Variants in CCDC171 observed in about 807,000 individuals in gnomAD.
The protein encoded by CCDC171 is coiled-coil domain-containing protein 171.
Under a neutral mutation model 168.2 loss-of-function variants are expected in CCDC171, and 177 were observed. The observed-to-expected ratio is 1.05, with a 90% CI of 0.93 to 1.19. CCDC171 has a LOEUF of 1.19. CCDC171 is among the 50% of genes most tolerant of loss of function. The pLI, the probability that CCDC171 is intolerant of heterozygous loss-of-function variation, is 0.00. For missense variants in CCDC171, 1,991 were observed against 1,539.0 expected, an observed-to-expected ratio of 1.29 and a Z score of -4.91; for synonymous variants, 687 against 540.8, an observed-to-expected ratio of 1.27 and a Z score of -3.75.
In CCDC171 at chr9:15,559,478, A is replaced by G. The variant is rs1253444982; in HGVS notation, c.-111-4500A>G. Among the ~76,000 whole-genome samples, 4 of 152,126 alleles carry G rather than the reference A, an allele frequency of 2.6e-5. 1 individual carries two copies. Among genetic ancestry groups the G allele is most frequent in the Non-Finnish European group, 5.9e-5 (4 of 67,998 alleles). ...TTCTTGTTGAACTGATCCCTTTACC[A>G]TTATGTAATGGCCTTCTTTGTCTCT... On this transcript the variant is annotated intron_variant, in intron 1 of 25. Coordinates refer to ENST00000380701, the MANE Select transcript of CCDC171 (RefSeq NM_173550.4).
Position 15,779,147 on chromosome 9 carries a change from G to T in CCDC171, c.3078G>T (p.Gln1026His). ...GLQMQLNEFK[Q>H]SKLITHEKFE... ...AAATGCAATTAAATGAATTTAAGCA[G>T]TCTGTAAGTATATATCATTTAGGAA... is the stretch of plus-strand genomic sequence containing the variant. The change falls in exon 20 of 26, where the codon CAG becomes CAT. Residue 1026 changes from glutamine (Q) to histidine (H), a missense_variant. By Grantham distance (24) the Gln-to-His change is conservative. Coordinates refer to ENST00000380701, the MANE Select transcript of CCDC171 (RefSeq NM_173550.4). 6.5e-7 allele frequency: 1 copy of T among 1,550,314 alleles called. No homozygotes were observed.
chr9:15,757,683 G>A (rs2056206460), intron 18 of CCDC171, among the ~76,000 whole-genome samples: 1 of 152,162 alleles, frequency 6.6e-6, no homozygotes, highest in Non-Finnish European at 1.5e-5. Context: ...TCCCATCACA[G>A]GCCCAGAGTC....
chr9:15,740,395 T>TA (rs2054789526), intron 16 of CCDC171, among the ~76,000 whole-genome samples: 1 of 146,416 alleles, frequency 6.8e-6, no homozygotes, highest in Admixed American at 6.8e-5. Flanking sequence ...TTTTTTTTTT[T>TA]ATGTACAAAT....
intron 10 of CCDC171, among the ~76,000 whole-genome samples, chr9:15,688,673 A>G (rs577688038): frequency 6.6e-6 from 1 of 152,308 alleles, no homozygotes; most frequent in East Asian, 1.9e-4. Context: ...AAAATGCTCA[A>G]CAAACTAAGA....
intron 1 of CCDC171, among the ~76,000 whole-genome samples, chr9:16,055,146 G>C (rs979177092): frequency 2.6e-5 from 4 of 152,222 alleles, no homozygotes; most frequent in African/African-American, 7.2e-5. Flanking sequence ...TGAGCATTTA[G>C]AAAAATGGAG....
intron 14 of CCDC171, among the ~76,000 whole-genome samples, chr9:15,725,407 A>G (rs1407292946): frequency 2.0e-5 from 3 of 152,146 alleles, no homozygotes; most frequent in Non-Finnish European, 2.9e-5. Flanking sequence ...GTGGCTGTGG[A>G]CAAGCTATAT....
At chr9:15,611,301 A>G (rs543063002) in intron 6 of CCDC171, among the ~76,000 whole-genome samples, 1 of 152,162 alleles carries the variant, frequency 6.6e-6, no homozygotes, top group South Asian at 2.1e-4. Context: ...CCATTCTCAC[A>G]TATTTCTTTA....
intron 8 of CCDC171, among the ~76,000 whole-genome samples, chr9:15,664,730 C>T: frequency 8.2e-6 from 1 of 121,806 alleles, no homozygotes; most frequent in South Asian, 2.7e-4. Flanking sequence ...CGGAGTTTCA[C>T]TCTTGTTGCT....
At chr9:15,739,183 T>C (rs1375578886) in intron 16 of CCDC171, among the ~76,000 whole-genome samples, 1 of 152,178 alleles carries the variant, frequency 6.6e-6, no homozygotes, top group Non-Finnish European at 1.5e-5. Context: ...AGTCATAGAA[T>C]AGACAGAACC....
chr9:15,563,369 C>G (rs1586979408), intron 1 of CCDC171, among the ~76,000 whole-genome samples: 1 of 152,010 alleles, frequency 6.6e-6, no homozygotes, highest in Non-Finnish European at 1.5e-5. Context: ...AACTCCCGAC[C>G]TCAGGTGATC....
chr9:15,760,844 TGGCAACC>T (rs1422611507), intron 18 of CCDC171, among the ~76,000 whole-genome samples: 2 of 152,152 alleles, frequency 1.3e-5, no homozygotes, highest in Non-Finnish European at 2.9e-5. Flanking sequence ...ACTGGACAGG[TGGCAACC>T]TTCTTGCTTT....
In CCDC171 at chr9:15,677,909, TATATATATATATATATAA is replaced by T. The variant is rs1226015528; in HGVS notation, c.1077-848_1077-831del. 2.6e-3 allele frequency among the ~76,000 whole-genome samples: 67 copies of T among 26,156 alleles called. 7 individuals are homozygous for T. The East Asian group carries it at 0.062, about 24-fold the overall frequency. 17.2% of individuals were successfully genotyped at this position (26,156 alleles called of 152,430 possible). ...ATATATATATATATATATATATATA[TATATATATATATATATAA>T]GAGATGTGGTCTCATTCTGTTACCT... On this transcript the variant is annotated intron_variant, in intron 9 of 25. Transcript: ENST00000380701.
intron 7 of CCDC171, among the ~76,000 whole-genome samples, chr9:15,630,638 A>T (rs1410440978): frequency 6.6e-6 from 1 of 152,184 alleles, no homozygotes; most frequent in African/African-American, 2.4e-5. Flanking sequence ...GTTAACAAGG[A>T]TATCCAGGAA....
At chr9:16,087,557 C>CTTTTTTT in the CCDC171 span, among the ~76,000 whole-genome samples, 10 of 78,786 alleles carry the variant, frequency 1.3e-4, no homozygotes, top group African/African-American at 3.3e-4. Flanking sequence ...GCAACTCCTG[C>CTTTTTTT]TTTTTTTTTT....
rs561336391 is a variant in CCDC171, at chr9:15,710,892, C to T, written c.1319-10877C>T. Among the ~76,000 whole-genome samples the T allele has an allele frequency of 3.9e-4, 60 of 152,272 alleles. 1 individual carries two copies. The highest frequency in any genetic ancestry group is 1.4e-3 in the African/African-American group (59 of 41,564). ...GATTACAGGCGTGAGCCACCGTACCCGGCCTTCTGTCTCTTTTTATCATTT... is the reference window on the plus strand; with the variant it reads ...GATTACAGGCGTGAGCCACCGTACCTGGCCTTCTGTCTCTTTTTATCATTT... On this transcript the variant is annotated intron_variant, in intron 11 of 25. Transcript: ENST00000380701.
intron 1 of CCDC171, among the ~76,000 whole-genome samples, chr9:15,563,175 G>C (rs1439613049): frequency 7.1e-6 from 1 of 141,106 alleles, no homozygotes; most frequent in Non-Finnish European, 1.5e-5. Context: ...TTTCTCTCTT[G>C]TTGGCCAGGC....
Position 15,735,555 on chromosome 9 carries a change from G to T in CCDC171, c.2049+5757G>T, listed in dbSNP as rs538305922. ...AGTTTAGAATGGAGAACAAAACTCAGGGAGATTCAGGTTCATCATGCTATA... is the reference window on the plus strand; with the variant it reads ...AGTTTAGAATGGAGAACAAAACTCATGGAGATTCAGGTTCATCATGCTATA... On this transcript the variant is annotated intron_variant, in intron 16 of 25. Coordinates refer to ENST00000380701, the MANE Select transcript of CCDC171 (RefSeq NM_173550.4). Among the ~76,000 whole-genome samples, 44 of 152,240 alleles carry T rather than the reference G, an allele frequency of 2.9e-4. No individual in the cohort carries two copies. The Middle Eastern group carries it at 0.01, about 35-fold the overall frequency.
intron 4 of CCDC171, among the ~76,000 whole-genome samples, chr9:15,584,599 A>G (rs569189291): frequency 6.6e-6 from 1 of 152,294 alleles, no homozygotes; most frequent in Non-Finnish European, 1.5e-5. Flanking sequence ...ACCTACTTTC[A>G]GAGGTAGTAG....
At chr9:15,897,341 T>C (rs1821042142) in intron 24 of CCDC171, among the ~76,000 whole-genome samples, 1 of 152,110 alleles carries the variant, frequency 6.6e-6, no homozygotes, top group South Asian at 2.1e-4. Context: ...ATTTCTAAGC[T>C]TAATTTTTTC....
Sources: allele counts gnomAD v4.1 joint callset (sites outside exome capture counted in the v4.1 genomes callset), GRCh38; gene constraint gnomAD v4.1.1; transcripts MANE v1.5; gene names NCBI Gene and HGNC (gene_info 2026-07-23, HGNC 2026-07-21).